CDK19: variants seen among roughly 807,000 people sequenced by gnomAD.
CDK19 encodes cyclin dependent kinase 19.
CDK19 carries 20 observed loss-of-function variants against 68.3 expected under a neutral mutation model. The ratio of observed to expected loss-of-function variants is 0.29; its 90% CI spans 0.21 to 0.43. The LOEUF (loss-of-function observed/expected upper bound fraction) is 0.43, where lower values mean the gene tolerates loss of function less well. CDK19 is among the 20% of genes least tolerant of loss of function. The probability of loss-of-function intolerance (pLI) is 1.00; values close to 1 mark genes in which losing one functional copy is unlikely to be tolerated. For synonymous variants in CDK19, 221 were observed against 222.8 expected, an observed-to-expected ratio of 0.99 and a Z score of 0.07; for missense variants, 339 against 623.5, an observed-to-expected ratio of 0.54 and a Z score of 4.86.
chr6:110,645,891 G>A (rs1582765464), intron 4 of CDK19: 5 of 771,392 alleles, frequency 6.5e-6, no homozygotes, highest in East Asian at 2.9e-5. Flanking sequence ...AAACAGCGGC[G>A]ACTCAGTCCT....
intron 2 of CDK19, among the ~76,000 whole-genome samples, chr6:110,709,255 C>G (rs987557687): frequency 1.1e-4 from 16 of 152,136 alleles, no homozygotes; most frequent in Non-Finnish European, 1.5e-5. Context: ...CTTTGAAAAC[C>G]GGCACAAGGC....
Position 110,621,338 on chromosome 6 carries a change from C to A in CDK19, c.1143G>T (p.Gln381His), listed in dbSNP as rs1179651343. 1.3e-6 allele frequency: 2 copies of A among 1,572,192 alleles called. No homozygotes were observed. Among genetic ancestry groups the A allele is most frequent in the East Asian group, 4.5e-5 (2 of 44,324 alleles). Reference protein sequence around the residue: ...NQQQQQNQHQQPTAPPQQAAA... With the variant: ...NQQQQQNQHQHPTAPPQQAAA... ...CTGCCTGCTGTGGAGGGGCTGTGGG[C>A]TGCTGATGCTGGTTCTGCTGCTGTT... Residue 381 changes from glutamine to histidine, a missense_variant, in exon 12 of 13, where the codon CAG becomes CAT. This residue lies in a region of CDK19 where 155 missense variants were observed against 222.7 expected (regional missense o/e 0.70). Coordinates refer to ENST00000368911, the MANE Select transcript of CDK19 (RefSeq NM_015076.5). The surrounding 1 kb of genome is among the most constrained non-coding windows in gnomAD (Gnocchi z 5.4).
At position 110,610,525 on chromosome 6, in the gene CDK19, A is replaced by C. The variant is rs1378691307; in HGVS notation, c.*4010T>G. ...ATACATATCACCCCTTTGCAGTGAT[A>C]GCATAGAAGAGTAAGTATGGCCTTA... is the stretch of plus-strand genomic sequence containing the variant. On this transcript the variant is annotated 3_prime_UTR_variant, in exon 13 of 13. Coordinates refer to ENST00000368911, the MANE Select transcript of CDK19 (RefSeq NM_015076.5). The C allele has an allele frequency of 6.6e-6, 1 of 152,418 alleles. No homozygotes were observed. The highest frequency in any genetic ancestry group is 1.5e-5 in the Non-Finnish European group (1 of 68,010). The allele number at this position is 152,418 out of a possible 1,614,324, so 9.4% of individuals were successfully genotyped here.
chr6:110,649,981 A>T (rs1168357618), intron 4 of CDK19, among the ~76,000 whole-genome samples: 2 of 152,242 alleles, frequency 1.3e-5, no homozygotes, highest in Non-Finnish European at 2.9e-5. Context: ...TTCCATTTTT[A>T]AAAATGCCAG....
intron 8 of CDK19, among the ~76,000 whole-genome samples, chr6:110,624,368 A>G (rs868153322): frequency 2.0e-5 from 3 of 152,124 alleles, no homozygotes; most frequent in Non-Finnish European, 4.4e-5. Flanking sequence ...TTTTCATTAT[A>G]TATTCTTTCC....
intron 2 of CDK19, among the ~76,000 whole-genome samples, chr6:110,690,532 T>C (rs1463907732): frequency 6.6e-6 from 1 of 152,236 alleles, no homozygotes; most frequent in Admixed American, 6.5e-5. Context: ...AATGGGTTTC[T>C]ACCCAAGGAC....
intron 2 of CDK19, among the ~76,000 whole-genome samples, chr6:110,692,060 C>G (rs1582875734): frequency 6.6e-6 from 1 of 151,574 alleles, no homozygotes; most frequent in South Asian, 2.1e-4. Flanking sequence ...CTTCGGGAGG[C>G]CAAGGCGGGC....
At chr6:110,676,216 G>T (rs1335918581) in intron 2 of CDK19, among the ~76,000 whole-genome samples, 1 of 152,194 alleles carries the variant, frequency 6.6e-6, no homozygotes, top group Non-Finnish European at 1.5e-5. Flanking sequence ...ACAACAATTA[G>T]AAGTAGAGCT....
chr6:110,778,590 G>A (rs556015743), intron 1 of CDK19, among the ~76,000 whole-genome samples: 1 of 152,068 alleles, frequency 6.6e-6, no homozygotes, highest in Non-Finnish European at 1.5e-5. Flanking sequence ...TTACTACTTG[G>A]GTAAATTGTA....
intron 4 of CDK19, among the ~76,000 whole-genome samples, chr6:110,642,214 T>A (rs986957489): frequency 6.7e-6 from 1 of 149,480 alleles, no homozygotes; most frequent in Non-Finnish European, 1.5e-5. Flanking sequence ...GGCAGGAGAA[T>A]CGCTTGAACC....
At position 110,623,323 on chromosome 6, in the gene CDK19, G is replaced by A. The variant is rs201594285; in HGVS notation, c.900C>T (p.His300=). ...ACACTTTGCTGTCAGGCTTGACCTT[G>A]TGTTTCTCCATGTACTTTATGAGGC... The part of the protein sequence containing the change: ...NSSLIKYMEK[H]KVKPDSKVFL... Residue 300 remains histidine (H), a synonymous_variant, in exon 9 of 13, where the codon CAC becomes CAT. Transcript: ENST00000368911. 2.8e-4 allele frequency: 445 copies of A among 1,614,008 alleles called. 5 individuals carry two copies. In the South Asian group the frequency reaches 4.7e-3, roughly 17 times the overall value.
chr6:110,612,039 G>T lies in CDK19; in HGVS notation c.*2496C>A, dbSNP rs967363376. 1 of 152,180 alleles carries T rather than the reference G, an allele frequency of 6.6e-6. No homozygotes were observed. The highest frequency in any genetic ancestry group is 2.4e-5 in the African/African-American group (1 of 41,448). The allele number at this position is 152,180 out of a possible 1,614,324, so 9.4% of individuals were successfully genotyped here. ...TTATATTTCAGTTCTGCCAGCAAAAGTCATTATATACAAGGAAAACAGGGT... is the reference window on the plus strand; with the variant it reads ...TTATATTTCAGTTCTGCCAGCAAAATTCATTATATACAAGGAAAACAGGGT... On this transcript the variant is annotated 3_prime_UTR_variant, in exon 13 of 13. Transcript: ENST00000368911.
chr6:110,747,962 C>T (rs879669291), intron 1 of CDK19, among the ~76,000 whole-genome samples: 1 of 152,160 alleles, frequency 6.6e-6, no homozygotes, highest in African/African-American at 2.4e-5. Flanking sequence ...CAACACAATG[C>T]TTACGATGTA....
At chr6:110,802,648 T>G (rs1366267491) in intron 1 of CDK19, among the ~76,000 whole-genome samples, 1 of 152,136 alleles carries the variant, frequency 6.6e-6, no homozygotes, top group Non-Finnish European at 1.5e-5. Context: ...GTAACAAACC[T>G]ACCCATGTAA....
At chr6:110,767,027 G>A (rs982383926) in intron 1 of CDK19, among the ~76,000 whole-genome samples, 4 of 151,920 alleles carry the variant, frequency 2.6e-5, no homozygotes, top group Non-Finnish European at 2.9e-5. Flanking sequence ...CCAGTTACTC[G>A]GGAGGCTGAG....
At chr6:110,799,300 T>C (rs989529279) in intron 1 of CDK19, among the ~76,000 whole-genome samples, 1 of 152,040 alleles carries the variant, frequency 6.6e-6, no homozygotes, top group Non-Finnish European at 1.5e-5. Context: ...CATCAACAAT[T>C]AGGCCTTAAT....
Position 110,611,977 on chromosome 6 carries a change from T to C in CDK19, c.*2558A>G, listed in dbSNP as rs1001248124. 1 of 152,194 alleles carries C rather than the reference T, an allele frequency of 6.6e-6. No individual in the cohort carries two copies. The highest frequency in any genetic ancestry group is 2.1e-4 in the South Asian group (1 of 4,830). 9.4% of individuals were successfully genotyped at this position (152,194 alleles called of 1,614,324 possible). On this transcript the variant is annotated 3_prime_UTR_variant, in exon 13 of 13. Transcript: ENST00000368911. Reference sequence around the variant, plus strand: ...TTTCTGGCTATGTCCTGGAGGATATTGTATACTGGGAGCAACTGACGAAAT... The same window carrying C: ...TTTCTGGCTATGTCCTGGAGGATATCGTATACTGGGAGCAACTGACGAAAT...
chr6:110,626,713 A>C (rs1779111361), intron 8 of CDK19, 63 bp downstream of exon 8: 1 of 966,866 alleles, frequency 1.0e-6, no homozygotes, highest in Non-Finnish European at 1.6e-6. Flanking sequence ...TTTATAAATT[A>C]CCCAGTCTAA....
intron 1 of CDK19, among the ~76,000 whole-genome samples, chr6:110,804,824 C>T (rs889385734): frequency 1.3e-5 from 2 of 151,474 alleles, no homozygotes; most frequent in African/African-American, 4.8e-5. Context: ...GGCGTGGTGG[C>T]GAGCGTCTGT....
Sources: allele counts gnomAD v4.1 joint callset (sites outside exome capture counted in the v4.1 genomes callset), GRCh38; gene constraint gnomAD v4.1.1; regional missense constraint gnomAD v4.1.1; non-coding constraint Gnocchi (gnomAD v3.1); transcripts MANE v1.5; gene names NCBI Gene and HGNC (gene_info 2026-07-23, HGNC 2026-07-21).